PARD3: variants seen among roughly 807,000 people sequenced by gnomAD.
PARD3 encodes the protein par-3 family cell polarity regulator.
PARD3 carries 75 observed loss-of-function variants against 155.4 expected under a neutral mutation model. The ratio of observed to expected loss-of-function variants is 0.48; its 90% CI spans 0.40 to 0.58. The LOEUF (loss-of-function observed/expected upper bound fraction) is 0.58, where lower values mean the gene tolerates loss of function less well. Among genes scored for constraint, PARD3 ranks in the 20% least tolerant of loss-of-function variants. The pLI, the probability that PARD3 is intolerant of heterozygous loss-of-function variation, is 0.00. For missense variants in PARD3, 1,642 were observed against 1,721.7 expected, an observed-to-expected ratio of 0.95 and a Z score of 0.82; for synonymous variants, 576 against 610.5, an observed-to-expected ratio of 0.94 and a Z score of 0.83.
chr10:34,437,171 AC>A (rs1378558098), intron 5 of PARD3, among the ~76,000 whole-genome samples: 2 of 152,192 alleles, frequency 1.3e-5, no homozygotes, highest in Admixed American at 6.5e-5. Context: ...TGTGTCTCAT[AC>A]AGAAGTCTAA....
intron 22 of PARD3, among the ~76,000 whole-genome samples, chr10:34,227,902 T>G (rs1000989167): frequency 1.7e-5 from 2 of 115,476 alleles, no homozygotes; most frequent in Non-Finnish European, 3.7e-5. Flanking sequence ...TATATATGTA[T>G]ATATAAAATT....
intron 5 of PARD3, among the ~76,000 whole-genome samples, chr10:34,413,138 T>TACACACACACACAC (rs879785568): frequency 1.1e-4 from 10 of 93,610 alleles, no homozygotes; most frequent in African/African-American, 4.5e-4. Flanking sequence ...GTACTTCAGA[T>TACACACACACACAC]ATATATACAC....
intron 3 of PARD3, among the ~76,000 whole-genome samples, chr10:34,479,622 C>A (rs2078944912): frequency 6.6e-6 from 1 of 152,178 alleles, no homozygotes. Flanking sequence ...ACAGCCACTG[C>A]CGGTGCCCTG....
At chr10:34,309,567 AAAAAAAAAAAAAAAG>A in intron 20 of PARD3, among the ~76,000 whole-genome samples, 1 of 137,576 alleles carries the variant, frequency 7.3e-6, no homozygotes, top group Admixed American at 7.3e-5. Flanking sequence ...AAAAAAAAAA[AAAAAAAAAAAAAAAG>A]GCAGACACAG....
At chr10:34,175,821 G>A (rs1950007491) in intron 22 of PARD3, among the ~76,000 whole-genome samples, 1 of 152,150 alleles carries the variant, frequency 6.6e-6, no homozygotes, top group Non-Finnish European at 1.5e-5. Context: ...AACAATTTAA[G>A]TGTTAAATCC....
intron 2 of PARD3, among the ~76,000 whole-genome samples, chr10:34,548,304 T>C (rs1286494248): frequency 6.6e-6 from 1 of 151,796 alleles, no homozygotes; most frequent in Non-Finnish European, 1.5e-5. Context: ...GCCTGGGCAA[T>C]GTGGCAAAAC....
At chr10:34,348,558 A>T (rs958699621) in intron 14 of PARD3, among the ~76,000 whole-genome samples, 1 of 152,214 alleles carries the variant, frequency 6.6e-6, no homozygotes, top group African/African-American at 2.4e-5. Context: ...AAATACATCT[A>T]ACAATTAGCA....
At chr10:34,759,657 C>T (rs760062245) in intron 1 of PARD3, among the ~76,000 whole-genome samples, 6 of 152,200 alleles carry the variant, frequency 3.9e-5, no homozygotes, top group Admixed American at 6.5e-5. Context: ...AACAGCACAT[C>T]GCCTAAGGCC....
intron 5 of PARD3, among the ~76,000 whole-genome samples, chr10:34,405,406 A>C (rs1307469981): frequency 6.6e-6 from 1 of 152,188 alleles, no homozygotes; most frequent in Non-Finnish European, 1.5e-5. Flanking sequence ...CACTCGATCA[A>C]ATAAAAAACA....
intron 2 of PARD3, among the ~76,000 whole-genome samples, chr10:34,633,698 T>C (rs533628450): frequency 3.3e-5 from 5 of 152,348 alleles, no homozygotes; most frequent in Admixed American, 3.3e-4. Flanking sequence ...CACCCAGAAG[T>C]AGGATTGCTG....
rs1460912630 is a variant in PARD3, at chr10:34,360,250, C to T, written c.1717G>A (p.Asp573Asn). 2 of 1,611,920 alleles carry T rather than the reference C, an allele frequency of 1.2e-6. No individual in the cohort carries two copies. Among genetic ancestry groups the T allele is most frequent in the Admixed American group, 3.3e-5 (2 of 60,020 alleles). Residue 573 changes from aspartate to asparagine, a missense_variant, in exon 13 of 25, where the codon GAT (aspartate) becomes AAT (asparagine). Physicochemically the swap from Asp to Asn is conservative, Grantham distance 23. This residue lies in a region of PARD3 where 1,529 missense variants were observed against 1,587.3 expected (regional missense o/e 0.96). Coordinates refer to ENST00000374788, the MANE Select transcript of PARD3 (RefSeq NM_001184785.2). The stretch of plus-strand genomic sequence containing the variant: ...TCAGGTGTAAGAACAATATCCTCAT[C>T]TTCTGCTTTCTAATAGGGAACAAAA... Reference protein sequence around the residue: ...MQIPKETKAEDEDIVLTPDGT... With the variant: ...MQIPKETKAENEDIVLTPDGT...
intron 2 of PARD3, among the ~76,000 whole-genome samples, chr10:34,599,274 A>G (rs539623322): frequency 1.3e-5 from 2 of 152,338 alleles, no homozygotes; most frequent in East Asian, 3.9e-4. Flanking sequence ...TCAGCACCAG[A>G]CACATGAGGG....
At chr10:34,450,222 T>A (rs2076984595) in intron 5 of PARD3, 95 bp downstream of exon 5, 1 of 1,167,396 alleles carries the variant, frequency 8.6e-7, no homozygotes, top group East Asian at 2.4e-5. Context: ...AATTAACTTT[T>A]AATCATCACC....
At chr10:34,323,102 C>T (rs554750974) in intron 19 of PARD3, among the ~76,000 whole-genome samples, 2 of 152,252 alleles carry the variant, frequency 1.3e-5, no homozygotes, top group Admixed American at 6.5e-5. Context: ...GACTTTCAGT[C>T]GCTGCAAACT....
rs997477903 is a variant in PARD3, at chr10:34,171,846, A to G, written c.3420-40263T>C. ...GTGCCTATAATCCCAGCTACTCAGA[A>G]GGCTGAGGCAGGAGAATCACTTGAA... On this transcript the variant is annotated intron_variant, in intron 22 of 24. Coordinates refer to ENST00000374788, the MANE Select transcript of PARD3 (RefSeq NM_001184785.2). Among the ~76,000 whole-genome samples the G allele has an allele frequency of 4.7e-5, 7 of 150,142 alleles. No homozygotes were observed. The South Asian group carries it at 1.5e-3, about 32-fold the overall frequency.
At chr10:34,760,189 G>A (rs1315950126) in intron 1 of PARD3, among the ~76,000 whole-genome samples, 1 of 79,434 alleles carries the variant, frequency 1.3e-5, no homozygotes, top group Non-Finnish European at 3.1e-5. Context: ...GGGGTGTGGG[G>A]GACAGCGCAG....
At chr10:34,276,977 CA>C (rs1311843550) in intron 21 of PARD3, among the ~76,000 whole-genome samples, 1 of 152,134 alleles carries the variant, frequency 6.6e-6, no homozygotes, top group East Asian at 1.9e-4. Flanking sequence ...TAATAAATTT[CA>C]GATTGCTACA....
chr10:34,586,951 G>C (rs529556338), intron 2 of PARD3, among the ~76,000 whole-genome samples: 1 of 151,916 alleles, frequency 6.6e-6, no homozygotes, highest in African/African-American at 2.4e-5. Context: ...CTCCATCTCC[G>C]AAAAAAAGAA....
chr10:34,266,061 T>C (rs1017587238), intron 22 of PARD3, among the ~76,000 whole-genome samples: 2 of 152,234 alleles, frequency 1.3e-5, no homozygotes, highest in African/African-American at 4.8e-5. Context: ...TTGAAGGTAA[T>C]GGCTTTGCCA....
Sources: allele counts gnomAD v4.1 joint callset (sites outside exome capture counted in the v4.1 genomes callset), GRCh38; gene constraint gnomAD v4.1.1; regional missense constraint gnomAD v4.1.1; transcripts MANE v1.5; gene names NCBI Gene and HGNC (gene_info 2026-07-23, HGNC 2026-07-21).